TTC21A: variants seen among roughly 807,000 people sequenced by gnomAD.
The protein encoded by TTC21A is tetratricopeptide repeat protein 21A.
TTC21A carries 128 observed loss-of-function variants against 156.4 expected under a neutral mutation model. The observed-to-expected ratio is 0.82, with a 90% confidence interval of 0.71 to 0.95. TTC21A has a LOEUF of 0.95. Ranked by LOEUF, TTC21A falls within the 40% of genes least tolerant of loss-of-function variation. The pLI, the probability that TTC21A is intolerant of heterozygous loss-of-function variation, is 0.00. For missense variants in TTC21A, 1,435 were observed against 1,602.3 expected, an observed-to-expected ratio of 0.90 and a Z score of 1.78; for synonymous variants, 587 against 617.1, an observed-to-expected ratio of 0.95 and a Z score of 0.72.
In TTC21A at chr3:39,138,301, T is replaced by A; in HGVS notation, c.3710T>A (p.Ile1237Asn). ...CYKAYEYMGF[I>N]MEKEQSYKDA... is the part of the protein sequence containing the mutation. ...AAGGCCTATGAGTACATGGGCTTCATCATGGAGAAGGAGCAGTCCTACAAG... is the reference window on the plus strand; with the variant it reads ...AAGGCCTATGAGTACATGGGCTTCAACATGGAGAAGGAGCAGTCCTACAAG... The change falls in exon 27 of 29, where the codon ATC (isoleucine) becomes AAC (asparagine). Residue 1237 changes from isoleucine to asparagine, a missense_variant. Coordinates refer to ENST00000683103, the MANE Select transcript of TTC21A (RefSeq NM_001366900.1). 6.2e-7 allele frequency: 1 copy of A among 1,614,178 alleles called. No individual in the cohort carries two copies. Among genetic ancestry groups the A allele is most frequent in the Non-Finnish European group, 8.5e-7 (1 of 1,180,018 alleles).
intron 6 of TTC21A, among the ~76,000 whole-genome samples, chr3:39,117,119 C>T (rs1235936155): frequency 6.6e-6 from 1 of 152,228 alleles, no homozygotes; most frequent in Non-Finnish European, 1.5e-5. Context: ...GCACAGTCTA[C>T]ACATTTGGAT....
chr3:39,122,011 T>A (rs1465222086), intron 9 of TTC21A, among the ~76,000 whole-genome samples: 2 of 152,132 alleles, frequency 1.3e-5, no homozygotes, highest in Non-Finnish European at 2.9e-5. Flanking sequence ...ATGAAAGATA[T>A]CTTTAAAAGG....
chr3:39,122,060 A>G (rs1395814989), intron 9 of TTC21A, among the ~76,000 whole-genome samples: 1 of 152,188 alleles, frequency 6.6e-6, no homozygotes, highest in South Asian at 2.1e-4. Flanking sequence ...TGTAATCCCA[A>G]TACTTTGGGA....
In TTC21A at chr3:39,118,232, C is replaced by G. The variant is rs766845440; in HGVS notation, c.801+79C>G. On this transcript the variant is annotated intron_variant, in intron 7 of 28. Coordinates refer to ENST00000683103, the MANE Select transcript of TTC21A (RefSeq NM_001366900.1). Reference sequence around the variant, plus strand: ...CCCTTCATGACCTGTGCACCTGACCCAAAGCCCTTGTAGGGAGCTCCTGGA... The same window carrying G: ...CCCTTCATGACCTGTGCACCTGACCGAAAGCCCTTGTAGGGAGCTCCTGGA... The G allele has an allele frequency of 2.1e-6, 3 of 1,432,440 alleles. No homozygotes were observed. In the African/African-American group the frequency reaches 4.2e-5, roughly 20 times the overall value. 88.7% of individuals were successfully genotyped at this position (1,432,440 alleles called of 1,614,324 possible). A position where few individuals can be genotyped will look rare whatever the true frequency, so the allele number is the denominator to read the frequency against.
Position 39,126,335 on chromosome 3 carries a change from A to C in TTC21A, c.1467A>C (p.Ala489=). The change falls in exon 12 of 29, where the codon GCA becomes GCC. Residue 489 remains alanine, a synonymous_variant. Transcript: ENST00000683103. ...VAVILNPVVK[A]APALIDPLYL... is the part of the protein sequence containing the mutation. ...TGATCTTGAATCCTGTAGTCAAAGC[A>C]GCACCAGCTCTGATCGACCCCCTGT... 6.2e-7 allele frequency: 1 copy of C among 1,614,148 alleles called. No individual in the cohort carries two copies. The highest frequency in any genetic ancestry group is 8.5e-7 in the Non-Finnish European group (1 of 1,180,018).
At chr3:39,131,231 T>C (rs1202680143) in intron 19 of TTC21A, 136 bp downstream of exon 19, 1 of 635,696 alleles carries the variant, frequency 1.6e-6, no homozygotes, top group Non-Finnish European at 2.7e-6. Context: ...ACCTCTGACA[T>C]CCACCTTCAC....
chr3:39,130,457 G>A lies in TTC21A; in HGVS notation c.2319+99G>A. The A allele has an allele frequency of 9.3e-7, 1 of 1,075,450 alleles. No homozygotes were observed. Among genetic ancestry groups the A allele is most frequent in the Non-Finnish European group, 1.3e-6 (1 of 748,964 alleles). The allele number at this position is 1,075,450 out of a possible 1,614,324, so 66.6% of individuals were successfully genotyped here. On this transcript the variant is annotated intron_variant, in intron 17 of 28. Transcript: ENST00000683103. This position sits in a 1 kb window ranked among gnomAD's most constrained non-coding sequence, Gnocchi z 4.5. ...GGGGAGCTCTGGGTGGGAGGAGAGTGGCTGACTTTTCACTCAGCTCCTTGC... is the reference window on the plus strand; with the variant it reads ...GGGGAGCTCTGGGTGGGAGGAGAGTAGCTGACTTTTCACTCAGCTCCTTGC...
Position 39,107,776 on chromosome 3 carries a change from C to G in TTC21A, c.-62C>G. On this transcript the variant is annotated 5_prime_UTR_variant, in exon 1 of 29. Coordinates refer to ENST00000683103, the MANE Select transcript of TTC21A (RefSeq NM_001366900.1). ...CGCGATAGAGTGCCCACGACCCTGCCTCGGGAATCCCGCTCTGCACCGCCC... is the reference window on the plus strand; with the variant it reads ...CGCGATAGAGTGCCCACGACCCTGCGTCGGGAATCCCGCTCTGCACCGCCC... 1 of 1,609,084 alleles carries G rather than the reference C, an allele frequency of 6.2e-7. No individual in the cohort carries two copies. Among genetic ancestry groups the G allele is most frequent in the Non-Finnish European group, 8.5e-7 (1 of 1,178,460 alleles).
At position 39,128,359 on chromosome 3, in the gene TTC21A, G is replaced by A. The variant is rs760265666; in HGVS notation, c.1551G>A (p.Leu517=). 3 of 1,614,186 alleles carry A rather than the reference G, an allele frequency of 1.9e-6. No homozygotes were observed. The Admixed American group carries it at 5.0e-5, about 27-fold the overall frequency. ...SGELENAQSI[L]QRCLELDPAS... ...AGCTAGAGAATGCCCAGAGCATCCT[G>A]CAGCGTTGCCTGGAGCTGGACCCCG... Residue 517 remains leucine (L), a synonymous_variant, in exon 13 of 29, where the codon CTG becomes CTA. Coordinates refer to ENST00000683103, the MANE Select transcript of TTC21A (RefSeq NM_001366900.1).
At chr3:39,129,997 G>T in intron 15 of TTC21A, 82 bp from the exon 16 acceptor site, 1 of 1,354,204 alleles carries the variant, frequency 7.4e-7, no homozygotes, top group East Asian at 2.3e-5. Flanking sequence ...CAGAATCAGT[G>T]GGAAGGAAGT....
intron 6 of TTC21A, among the ~76,000 whole-genome samples, chr3:39,117,041 A>G (rs2037353088): frequency 6.6e-6 from 1 of 152,120 alleles, no homozygotes; most frequent in African/African-American, 2.4e-5. Context: ...GCCTGTCTCA[A>G]CCATTCTCAA....
intron 9 of TTC21A, 135 bp downstream of exon 9, chr3:39,121,324 G>A: frequency 1.4e-6 from 1 of 720,900 alleles, no homozygotes; most frequent in Non-Finnish European, 2.3e-6. Context: ...ATGTATGATG[G>A]GGTATCTTTC....
chr3:39,128,284 G>C, intron 12 of TTC21A, 47 bp from the exon 13 acceptor site: 1 of 1,596,502 alleles, frequency 6.3e-7, no homozygotes, highest in Non-Finnish European at 8.6e-7. Flanking sequence ...TCAGGTCTTA[G>C]GAGCCCTTGG....
At chr3:39,129,341 T>G (rs2038543616) in intron 15 of TTC21A, 31 bp downstream of exon 15, 36 of 1,498,582 alleles carry the variant, frequency 2.4e-5, no homozygotes, top group Non-Finnish European at 3.3e-5. Flanking sequence ...AATGACAGCT[T>G]CTTCTCCAAT....
chr3:39,120,683 T>A (rs973895733), intron 8 of TTC21A, among the ~76,000 whole-genome samples: 12 of 152,214 alleles, frequency 7.9e-5, no homozygotes, highest in African/African-American at 2.7e-4. Flanking sequence ...GGCCACTTCT[T>A]ATTACTGGAC....
chr3:39,135,275 G>A, intron 22 of TTC21A, 101 bp downstream of exon 22: 1 of 1,003,434 alleles, frequency 1.0e-6, no homozygotes, highest in Admixed American at 1.8e-5. Context: ...ACTGGGCAGA[G>A]GAAGCCCCTT....
intron 11 of TTC21A, 104 bp from the exon 12 acceptor site, chr3:39,126,157 G>T: frequency 1.4e-6 from 2 of 1,428,614 alleles, no homozygotes; most frequent in Non-Finnish European, 9.7e-7. Context: ...AATAAGTGTG[G>T]AATGAAGCAA....
At position 39,138,698 on chromosome 3, in the gene TTC21A, C is replaced by G. The variant is rs1328650288; in HGVS notation, c.3865-13C>G. ...CTGCATGATACTGCACACCCATTCTCTCTCTGTTCCAGGTCCTCAGGGAGC... is the reference window on the plus strand; with the variant it reads ...CTGCATGATACTGCACACCCATTCTGTCTCTGTTCCAGGTCCTCAGGGAGC... On this transcript the variant is annotated splice_polypyrimidine_tract_variant and intron_variant, in intron 28 of 28. Transcript: ENST00000683103. 4 of 1,614,008 alleles carry G rather than the reference C, an allele frequency of 2.5e-6. No homozygotes were observed. Among genetic ancestry groups the G allele is most frequent in the Non-Finnish European group, 2.5e-6 (3 of 1,179,988 alleles).
chr3:39,135,924 G>A lies in TTC21A; in HGVS notation c.2945-433G>A, dbSNP rs1049464563. On this transcript the variant is annotated intron_variant, in intron 22 of 28. Coordinates refer to ENST00000683103, the MANE Select transcript of TTC21A (RefSeq NM_001366900.1). ...AAAAAAATTGGCCGGGCGTGGTGGC[G>A]GGTGCCTGTAGTCCCAGCTACTCGG... is the stretch of plus-strand genomic sequence containing the variant. Among the ~76,000 whole-genome samples, 3 of 151,882 alleles carry A rather than the reference G, an allele frequency of 2.0e-5. No homozygotes were observed. In the East Asian group the frequency reaches 5.8e-4, roughly 29 times the overall value.
Sources: allele counts gnomAD v4.1 joint callset (sites outside exome capture counted in the v4.1 genomes callset), GRCh38; gene constraint gnomAD v4.1.1; non-coding constraint Gnocchi (gnomAD v3.1); transcripts MANE v1.5; gene names NCBI Gene and HGNC (gene_info 2026-07-23, HGNC 2026-07-21).